The following CDC25C variants were observed in gnomAD, a reference collection of about 807,000 sequenced individuals.
CDC25C encodes cell division cycle 25C.
In CDC25C, 48 loss-of-function variants were observed where a neutral mutation model predicts 52.5. The observed-to-expected ratio is 0.91, with a 90% CI of 0.72 to 1.16. The LOEUF is 1.16. Ranked by LOEUF, CDC25C falls within the 50% of genes most tolerant of loss-of-function variation. CDC25C has a pLI of 0.00. For missense variants in CDC25C, 510 were observed against 566.1 expected, an observed-to-expected ratio of 0.90 and a Z score of 1.01; for synonymous variants, 187 against 206.5, an observed-to-expected ratio of 0.91 and a Z score of 0.81.
chr5:138,318,954 G>A (rs1195140951), intron 7 of CDC25C, among the ~76,000 whole-genome samples: 1 of 152,120 alleles, frequency 6.6e-6, no homozygotes, highest in Non-Finnish European at 1.5e-5. Context: ...GTTCAAATAA[G>A]GCAAACTCAA....
chr5:138,300,326 G>A (rs185578582), intron 7 of CDC25C, among the ~76,000 whole-genome samples: 28 of 152,286 alleles, frequency 1.8e-4, no homozygotes, highest in African/African-American at 6.0e-4. Context: ...CACGTTGTGA[G>A]GCTAAGACGG....
intron 4 of CDC25C, 26 bp downstream of exon 4, chr5:138,328,458 G>A (rs1388741400): frequency 6.2e-7 from 1 of 1,609,754 alleles, no homozygotes; most frequent in Admixed American, 1.7e-5. Flanking sequence ...GCTTTTGTGT[G>A]GGGTTCATTT....
At chr5:138,288,877 G>A (rs905607527) in intron 10 of CDC25C, among the ~76,000 whole-genome samples, 9 of 152,276 alleles carry the variant, frequency 5.9e-5, no homozygotes, top group African/African-American at 1.7e-4. Context: ...AAATGTAAAC[G>A]AGGGTGCATG....
intron 3 of CDC25C, among the ~76,000 whole-genome samples, chr5:138,329,306 T>A (rs141962094): frequency 7.9e-5 from 12 of 152,336 alleles, no homozygotes; most frequent in Non-Finnish European, 1.5e-5. Context: ...CCACCATTAA[T>A]CAGTCAACAA....
At chr5:138,300,422 G>A (rs1757543135) in intron 7 of CDC25C, among the ~76,000 whole-genome samples, 3 of 152,074 alleles carry the variant, frequency 2.0e-5, no homozygotes, top group African/African-American at 7.2e-5. Context: ...AATTAGCTGG[G>A]TACAGTGGTG....
At chr5:138,286,322 T>C (rs1756225938) in intron 12 of CDC25C, among the ~76,000 whole-genome samples, 175 bp downstream of exon 12, 1 of 152,212 alleles carries the variant, frequency 6.6e-6, no homozygotes, top group Non-Finnish European at 1.5e-5. Flanking sequence ...TGCAGCCTCA[T>C]TCTCAATCCC....
upstream of CDC25C, chr5:138,336,718 T>G (rs1361174769): frequency 6.6e-6 from 1 of 152,000 alleles, no homozygotes; most frequent in East Asian, 1.9e-4. Flanking sequence ...TGGTGTCTGG[T>G]ACATAAGAGC....
intron 6 of CDC25C, among the ~76,000 whole-genome samples, chr5:138,325,385 C>T (rs767690410): frequency 3.3e-5 from 5 of 151,916 alleles, no homozygotes; most frequent in Non-Finnish European, 2.9e-5. Flanking sequence ...ATGGCCTCCT[C>T]GGAATAAGGG....
intron 7 of CDC25C, among the ~76,000 whole-genome samples, chr5:138,304,321 C>T (rs1169104073): frequency 6.8e-6 from 1 of 147,408 alleles, no homozygotes; most frequent in Non-Finnish European, 1.5e-5. Flanking sequence ...GGCATACACA[C>T]CATGCCTGGC....
Position 138,286,846 on chromosome 5 carries a change from C to A in CDC25C, c.1027-216G>T, listed in dbSNP as rs921803203. 4.5e-4 allele frequency among the ~76,000 whole-genome samples: 68 copies of A among 152,122 alleles called. 1 individual carries two copies. The highest frequency in any genetic ancestry group is 1.6e-3 in the African/African-American group (65 of 41,420). On this transcript the variant is annotated intron_variant, in intron 11 of 13. Transcript: ENST00000323760. ...AATAAATGTTTATAGACCTGAACCA[C>A]TGGAAGTATAGAGATCACTGCGAGG...
intron 7 of CDC25C, among the ~76,000 whole-genome samples, chr5:138,307,379 C>T (rs1339444987): frequency 6.7e-6 from 1 of 149,734 alleles, no homozygotes; most frequent in Non-Finnish European, 1.5e-5. Flanking sequence ...GTAGTCCCAG[C>T]TACTCGGGAG....
intron 7 of CDC25C, among the ~76,000 whole-genome samples, chr5:138,308,006 C>T (rs914903131): frequency 3.3e-5 from 5 of 152,056 alleles, no homozygotes; most frequent in Non-Finnish European, 7.4e-5. Flanking sequence ...ATGCGCAGTT[C>T]ACAAAAGAGT....
At chr5:138,289,169 G>A (rs1179219905) in intron 10 of CDC25C, among the ~76,000 whole-genome samples, 2 of 152,104 alleles carry the variant, frequency 1.3e-5, no homozygotes, top group Non-Finnish European at 2.9e-5. Context: ...GTTTCGCCAT[G>A]TTGGCCAGGG....
intron 2 of CDC25C, among the ~76,000 whole-genome samples, chr5:138,330,113 TATATC>T (rs1355374161): frequency 6.6e-6 from 1 of 152,266 alleles, no homozygotes; most frequent in East Asian, 1.9e-4. Context: ...TTTTGGGAAA[TATATC>T]AGACTGGGCT....
intron 7 of CDC25C, among the ~76,000 whole-genome samples, chr5:138,317,682 T>TG (rs1758989528): frequency 1.8e-5 from 1 of 54,264 alleles, no homozygotes; most frequent in Non-Finnish European, 3.1e-5. Flanking sequence ...CCTGTCTATC[T>TG]AAAAAAAAAA....
At chr5:138,305,368 C>T (rs1757928232) in intron 7 of CDC25C, among the ~76,000 whole-genome samples, 1 of 152,054 alleles carries the variant, frequency 6.6e-6, no homozygotes. Flanking sequence ...ATTTTGTTTC[C>T]ATCATTACAC....
chr5:138,322,409 C>T (rs1759492442), intron 6 of CDC25C, among the ~76,000 whole-genome samples: 1 of 151,632 alleles, frequency 6.6e-6, no homozygotes, highest in Non-Finnish European at 1.5e-5. Flanking sequence ...AACTGATTCT[C>T]CTGCCTCAGC....
At position 138,292,002 on chromosome 5, in the gene CDC25C, T is replaced by A. The variant is rs765981873; in HGVS notation, c.730A>T (p.Lys244Ter). The A allele has an allele frequency of 1.2e-5, 19 of 1,610,118 alleles. No individual in the cohort carries two copies. The highest frequency in any genetic ancestry group is 1.5e-5 in the Non-Finnish European group (18 of 1,178,082). The change falls in exon 8 of 14, where the codon AAG (lysine) becomes TAG (stop). Residue 244 changes from lysine to a stop codon, truncating the protein, a stop_gained. Coordinates refer to ENST00000323760, the MANE Select transcript of CDC25C (RefSeq NM_001790.5). LOFTEE classifies it high-confidence loss of function. ...DNTIPDKVKKKYFSGQGKLRK... is the reference protein window; with the variant it reads ...DNTIPDKVKK ...AGCTTTCCTTGGCCAGAAAAATACT[T>A]TTTTTTAACTTTATCTGGTATTGTG...
At chr5:138,309,264 C>G (rs1221220868) in intron 7 of CDC25C, among the ~76,000 whole-genome samples, 1 of 150,368 alleles carries the variant, frequency 6.7e-6, no homozygotes, top group African/African-American at 2.4e-5. Flanking sequence ...ATTCTTAAAA[C>G]AGGAAATTTG....
Sources: allele counts gnomAD v4.1 joint callset (sites outside exome capture counted in the v4.1 genomes callset), GRCh38; gene constraint gnomAD v4.1.1; transcripts MANE v1.5; gene names NCBI Gene and HGNC (gene_info 2026-07-23, HGNC 2026-07-21).